The following RERE variants were observed in gnomAD, a reference collection of about 807,000 sequenced individuals.
RERE encodes arginine-glutamic acid dipeptide repeats, also known as arginine-glutamic acid dipeptide repeats protein.
RERE carries 40 observed loss-of-function variants against 146.1 expected under a neutral mutation model. The ratio of observed to expected loss-of-function variants is 0.27; its 90% CI spans 0.21 to 0.36. The LOEUF is 0.36. Ranked by LOEUF, RERE falls within the 10% of genes least tolerant of loss-of-function variation. The probability of loss-of-function intolerance (pLI) is 1.00; values close to 1 mark genes in which losing one functional copy is unlikely to be tolerated. For missense variants in RERE, 1,933 were observed against 2,138.7 expected, an observed-to-expected ratio of 0.90 and a Z score of 1.90; for synonymous variants, 1,003 against 866.0, an observed-to-expected ratio of 1.16 and a Z score of -2.78.
chr1:8,443,024 A>G (rs1343500572), intron 11 of RERE, among the ~76,000 whole-genome samples: 1 of 152,242 alleles, frequency 6.6e-6, no homozygotes, highest in Non-Finnish European at 1.5e-5. Flanking sequence ...TAAGCAGCAA[A>G]GTATTCAAGA....
At chr1:8,677,107 C>A (rs1638857328) in intron 1 of RERE, among the ~76,000 whole-genome samples, 1 of 152,078 alleles carries the variant, frequency 6.6e-6, no homozygotes, top group Admixed American at 6.5e-5. Context: ...TTGATAAATG[C>A]ACACCATTCA....
intron 1 of RERE, chr1:8,786,955 C>A (rs558163845): frequency 5.3e-5 from 35 of 663,734 alleles, no homozygotes; most frequent in Non-Finnish European, 8.5e-5. Flanking sequence ...TGGTAAAGAT[C>A]GCAGTCTAAC....
At chr1:8,437,115 A>G (rs1025509082) in intron 11 of RERE, among the ~76,000 whole-genome samples, 1 of 152,208 alleles carries the variant, frequency 6.6e-6, no homozygotes, top group East Asian at 1.9e-4. Flanking sequence ...TTCTAGAAGA[A>G]TTCGACCAAA....
intron 12 of RERE, among the ~76,000 whole-genome samples, chr1:8,386,965 GCTGGT>G (rs1235529014): frequency 2.0e-5 from 3 of 152,290 alleles, no homozygotes; most frequent in Admixed American, 2.0e-4. Context: ...CAAAATCCCA[GCTGGT>G]TAGTTTGTGG....
chr1:8,628,460 C>G (rs572844268), intron 2 of RERE, among the ~76,000 whole-genome samples: 6 of 152,194 alleles, frequency 3.9e-5, no homozygotes, highest in African/African-American at 1.4e-4. Context: ...CAAAGCATGA[C>G]GAACTATTGT....
intron 3 of RERE, among the ~76,000 whole-genome samples, 200 bp from the exon 4 acceptor site, chr1:8,614,886 G>A (rs1321128778): frequency 3.9e-5 from 6 of 152,128 alleles, no homozygotes; most frequent in East Asian, 1.9e-4. Context: ...GTGAACAAAC[G>A]TATGACCCTT....
intron 11 of RERE, among the ~76,000 whole-genome samples, chr1:8,433,288 T>C (rs1644120075): frequency 6.6e-6 from 1 of 152,234 alleles, no homozygotes; most frequent in Non-Finnish European, 1.5e-5. Flanking sequence ...CTCTTGGTCC[T>C]ACAAAGAGAC....
At chr1:8,779,559 A>G (rs958239635) in intron 1 of RERE, among the ~76,000 whole-genome samples, 1 of 151,976 alleles carries the variant, frequency 6.6e-6, no homozygotes, top group African/African-American at 2.4e-5. Context: ...GCTACTCGGG[A>G]GGCTGAGACA....
rs557249253 is a variant in RERE at position 8,761,814 on chromosome 1, C to T, written c.-145+55346G>A. Among the ~76,000 whole-genome samples the T allele has an allele frequency of 2.1e-3, 322 of 152,062 alleles. 2 individuals carry two copies. Among genetic ancestry groups the T allele is most frequent in the Middle Eastern group, 6.8e-3 (2 of 294 alleles). The stretch of plus-strand genomic sequence containing the variant: ...GTGCATGCCTGTAATCCCAGCTACT[C>T]GGAAGGCTGAGGCAGGAGACTCACT... On this transcript the variant is annotated intron_variant, in intron 1 of 22. Transcript: ENST00000400908.
At chr1:8,641,860 C>A (rs964953128) in intron 2 of RERE, among the ~76,000 whole-genome samples, 3 of 152,128 alleles carry the variant, frequency 2.0e-5, no homozygotes, top group African/African-American at 7.2e-5. Flanking sequence ...GGAGCCATCC[C>A]CTTTTGGAGT....
intron 1 of RERE, among the ~76,000 whole-genome samples, chr1:8,769,312 A>C (rs1295919660): frequency 2.0e-5 from 3 of 152,224 alleles, no homozygotes; most frequent in African/African-American, 7.2e-5. Context: ...CTGCACTTCC[A>C]ATCCCAATCC....
chr1:8,719,458 G>C (rs1430622863), intron 1 of RERE, among the ~76,000 whole-genome samples: 2 of 152,136 alleles, frequency 1.3e-5, no homozygotes, highest in Non-Finnish European at 2.9e-5. Context: ...AAACAAAGGA[G>C]GGGGTGAGGA....
Position 8,541,279 on chromosome 1 carries a change from A to G in RERE, c.765T>C (p.Ala255=), listed in dbSNP as rs1448537800. The change falls in exon 7 of 23, where the codon GCT becomes GCC. Residue 255 remains alanine (A), a synonymous_variant. Transcript: ENST00000400908. ...CNISHFSDIF[A]AREFKARVDS... ...CCACTCGGGCTTTAAACTCTCTAGC[A>G]GCAAATATGTCAGAAAAATGGGAGA... The G allele has an allele frequency of 6.8e-6, 11 of 1,612,268 alleles. No homozygotes were observed. Among genetic ancestry groups the G allele is most frequent in the Non-Finnish European group, 9.3e-6 (11 of 1,178,516 alleles).
At chr1:8,539,474 C>T (rs1645770989) in intron 7 of RERE, among the ~76,000 whole-genome samples, 1 of 151,938 alleles carries the variant, frequency 6.6e-6, no homozygotes, top group Admixed American at 6.5e-5. Context: ...GGGGCAATCT[C>T]GGCTTACTGC....
intron 1 of RERE, among the ~76,000 whole-genome samples, chr1:8,809,137 TA>T (rs58263107): frequency 0.035 from 3,320 of 95,062 alleles, 102 homozygotes; most frequent in African/African-American, 0.1. Flanking sequence ...GACTTTGTCT[TA>T]AAAAAAAAAA....
chr1:8,754,298 A>T (rs1640594001), intron 1 of RERE, among the ~76,000 whole-genome samples: 1 of 151,948 alleles, frequency 6.6e-6, no homozygotes, highest in African/African-American at 2.4e-5. Context: ...TGTGTGTTCA[A>T]TCGTTTCAGC....
chr1:8,770,533 G>A (rs904690013), intron 1 of RERE, among the ~76,000 whole-genome samples: 1 of 152,138 alleles, frequency 6.6e-6, no homozygotes, highest in African/African-American at 2.4e-5. Flanking sequence ...CTACGTACTA[G>A]CTCTGTCCTC....
At chr1:8,666,170 T>C (rs1638569529) in intron 1 of RERE, among the ~76,000 whole-genome samples, 1 of 152,172 alleles carries the variant, frequency 6.6e-6, no homozygotes, top group African/African-American at 2.4e-5. Flanking sequence ...AAAAGAGCAG[T>C]CTAGGAACAT....
chr1:8,748,685 T>G (rs2124513258), intron 1 of RERE, among the ~76,000 whole-genome samples: 1 of 152,336 alleles, frequency 6.6e-6, no homozygotes, highest in African/African-American at 2.4e-5. Context: ...CTCATTAATA[T>G]CGCCAAGTAC....
Sources: gnomAD v4.1 joint callset for allele counts (sites outside exome capture counted in the v4.1 genomes callset) on GRCh38, gnomAD v4.1.1 for gene constraint, MANE v1.5 for transcripts, NCBI Gene and HGNC (gene_info 2026-07-23, HGNC 2026-07-21) for gene names.